DOCK1: variants seen among roughly 807,000 people sequenced by gnomAD.
DOCK1 encodes dedicator of cytokinesis 1.
A neutral mutation model predicts 262.7 loss-of-function variants in DOCK1; 138 were observed. That is an observed-to-expected ratio of 0.53 (90% CI 0.46 to 0.61). The LOEUF is 0.61. Ranked by LOEUF, DOCK1 falls within the 20% of genes least tolerant of loss-of-function variation. The pLI, the probability that DOCK1 is intolerant of heterozygous loss-of-function variation, is 0.00. For missense variants in DOCK1, 1,908 were observed against 2,370.7 expected (o/e 0.80, Z 4.05); for synonymous variants, 866 against 867.4 (o/e 1.00, Z 0.03).
At chr10:127,051,400 C>T (rs9418815) in intron 21 of DOCK1, among the ~76,000 whole-genome samples, 16,688 of 152,088 alleles carry the variant, frequency 0.11, 1,146 homozygotes, top group Admixed American at 0.15. Flanking sequence ...AAATTTAAGA[C>T]TGCTTCCTAT....
intron 29 of DOCK1, among the ~76,000 whole-genome samples, chr10:127,304,771 A>G (rs2061813610): frequency 6.6e-6 from 1 of 152,010 alleles, no homozygotes. Context: ...GGTCCCAGCT[A>G]CTCAGGAGGC....
At chr10:127,280,707 G>A (rs2060929517) in intron 29 of DOCK1, among the ~76,000 whole-genome samples, 1 of 152,210 alleles carries the variant, frequency 6.6e-6, no homozygotes, top group Admixed American at 6.5e-5. Context: ...CTATAGAAAT[G>A]CAAAATGCCA....
At chr10:127,212,441 G>T (rs556416096) in intron 27 of DOCK1, among the ~76,000 whole-genome samples, 39 of 152,234 alleles carry the variant, frequency 2.6e-4, no homozygotes, top group African/African-American at 8.9e-4. Context: ...TTGAGAATGT[G>T]TTTCCATTAG....
chr10:127,037,155 C>T (rs2043689674), intron 18 of DOCK1, among the ~76,000 whole-genome samples: 1 of 151,524 alleles, frequency 6.6e-6, no homozygotes, highest in Non-Finnish European at 1.5e-5. Context: ...TCTGTGGAAG[C>T]CCAGACATGG....
At chr10:127,438,979 T>C in intron 48 of DOCK1, 48 bp from the exon 49 acceptor site, 1 of 1,491,838 alleles carries the variant, frequency 6.7e-7, no homozygotes, top group East Asian at 2.5e-5. Context: ...GTCTGTGGGC[T>C]GGAAAGCAAT....
chr10:127,341,525 AT>A (rs560970332), intron 30 of DOCK1, among the ~76,000 whole-genome samples: 22 of 152,042 alleles, frequency 1.4e-4, no homozygotes, highest in Admixed American at 3.3e-4. Flanking sequence ...ACTTTGCAGT[AT>A]TTTTTTCCCC....
rs1172588978 is a variant in DOCK1, at chr10:126,998,215, T to G, written c.733T>G (p.Ser245Ala). Residue 245 changes from serine (S) to alanine (A), a missense_variant, in exon 8 of 52, where the codon TCT becomes GCT. By Grantham distance (99) the Ser-to-Ala change is moderately conservative. This residue lies in a region of DOCK1 where 102 missense variants were observed against 154.9 expected (regional missense o/e 0.66). Coordinates refer to ENST00000623213, the MANE Select transcript of DOCK1 (RefSeq NM_001290223.2). ...KIGEDAEVLM[S>A]LYDPVESKFI... ...AGGAGAAGATGCTGAAGTCCTCATG[T>G]CTCTATATGACCCTGTGGAGTCCAA... 6.2e-7 allele frequency: 1 copy of G among 1,614,004 alleles called. No individual in the cohort carries two copies. Among genetic ancestry groups the G allele is most frequent in the Admixed American group, 1.7e-5 (1 of 60,028 alleles).
chr10:127,227,496 C>T (rs965814939), intron 27 of DOCK1, among the ~76,000 whole-genome samples: 2 of 152,212 alleles, frequency 1.3e-5, no homozygotes, highest in African/African-American at 4.8e-5. Flanking sequence ...CCTCCTGCCA[C>T]CTGCATTCCA....
intron 33 of DOCK1, among the ~76,000 whole-genome samples, chr10:127,363,009 A>G (rs1447340294): frequency 2.3e-4 from 26 of 110,838 alleles, no homozygotes; most frequent in South Asian, 2.9e-4. Context: ...ACACACGCAC[A>G]TCCCCACACA....
intron 28 of DOCK1, among the ~76,000 whole-genome samples, chr10:127,253,125 T>C (rs566087321): frequency 3.0e-4 from 46 of 152,312 alleles, no homozygotes; most frequent in African/African-American, 1.0e-3. Flanking sequence ...ACAAAGAATC[T>C]GTAGAATCTT....
At chr10:127,011,381 C>G (rs4751179) in intron 11 of DOCK1, among the ~76,000 whole-genome samples, 1 of 152,304 alleles carries the variant, frequency 6.6e-6, no homozygotes, top group East Asian at 1.9e-4. Context: ...AACTTGGTGA[C>G]GTAAATGACA....
At chr10:127,358,416 G>A (rs919934032) in intron 32 of DOCK1, among the ~76,000 whole-genome samples, 12 of 152,174 alleles carry the variant, frequency 7.9e-5, no homozygotes, top group African/African-American at 2.9e-4. Context: ...AAAAAGGGGG[G>A]AAAATGTGCT....
intron 18 of DOCK1, among the ~76,000 whole-genome samples, chr10:127,035,388 C>T (rs1008986576): frequency 3.3e-5 from 5 of 152,112 alleles, no homozygotes; most frequent in African/African-American, 1.2e-4. Flanking sequence ...AGAAAGGAGT[C>T]ATGAATATGG....
chr10:127,322,346 T>A (rs1357834888), intron 29 of DOCK1, among the ~76,000 whole-genome samples: 1 of 148,964 alleles, frequency 6.7e-6, no homozygotes, highest in African/African-American at 2.6e-5. Flanking sequence ...TGTGCCACCA[T>A]GCCTGGATAA....
chr10:127,118,780 T>C (rs534097743), intron 25 of DOCK1, among the ~76,000 whole-genome samples: 1 of 152,342 alleles, frequency 6.6e-6, no homozygotes, highest in African/African-American at 2.4e-5. Context: ...TCGGGCAGCT[T>C]GGAACAGAAA....
chr10:127,373,571 C>A (rs544840633), intron 33 of DOCK1, among the ~76,000 whole-genome samples: 75 of 152,042 alleles, frequency 4.9e-4, no homozygotes, highest in African/African-American at 1.8e-3. Flanking sequence ...GCTCCATTAA[C>A]CAGAAAAGGA....
At chr10:126,947,821 G>GGTA (rs2035654923) in intron 1 of DOCK1, among the ~76,000 whole-genome samples, 6 of 76,354 alleles carry the variant, frequency 7.9e-5, no homozygotes, top group Non-Finnish European at 1.0e-4. Context: ...TGGTGGTGGT[G>GGTA]GTTGGTAGTA....
intron 1 of DOCK1, among the ~76,000 whole-genome samples, chr10:126,946,990 C>T (rs2035462516): frequency 6.6e-6 from 1 of 152,358 alleles, no homozygotes; most frequent in East Asian, 1.9e-4. Context: ...AGGTCTGATC[C>T]TGTCCCCCCA....
At chr10:127,173,575 C>T (rs2054784322) in intron 27 of DOCK1, among the ~76,000 whole-genome samples, 1 of 152,178 alleles carries the variant, frequency 6.6e-6, no homozygotes, top group Admixed American at 6.5e-5. Flanking sequence ...TTTCATTTTA[C>T]ACCATTTGGT....
Sources: allele counts gnomAD v4.1 joint callset (sites outside exome capture counted in the v4.1 genomes callset), GRCh38; gene constraint gnomAD v4.1.1; regional missense constraint gnomAD v4.1.1; transcripts MANE v1.5; gene names NCBI Gene and HGNC (gene_info 2026-07-23, HGNC 2026-07-21).